The following MUSK variants were observed in gnomAD, a reference collection of about 807,000 sequenced individuals.
MUSK encodes the protein muscle associated receptor tyrosine kinase.
Under a neutral mutation model 88.7 loss-of-function variants are expected in MUSK, and 55 were observed. The ratio of observed to expected loss-of-function variants is 0.62; its 90% CI spans 0.50 to 0.78. The LOEUF (loss-of-function observed/expected upper bound fraction) is 0.78, where lower values mean the gene tolerates loss of function less well. Among genes scored for constraint, MUSK ranks in the 30% least tolerant of loss-of-function variants. MUSK has a pLI of 0.00. For missense variants in MUSK, 1,015 were observed against 1,074.3 expected, an observed-to-expected ratio of 0.94 and a Z score of 0.77; for synonymous variants, 387 against 391.9, an observed-to-expected ratio of 0.99 and a Z score of 0.15.
chr9:110,763,966 G>T (rs1454093202), intron 8 of MUSK, among the ~76,000 whole-genome samples: 1 of 152,136 alleles, frequency 6.6e-6, no homozygotes, highest in Non-Finnish European at 1.5e-5. Flanking sequence ...ACATAGGGTT[G>T]TCTGTTATAA....
chr9:110,761,318 A>G (rs1327972797), intron 7 of MUSK, among the ~76,000 whole-genome samples: 3 of 152,098 alleles, frequency 2.0e-5, no homozygotes, highest in Non-Finnish European at 2.9e-5. Flanking sequence ...AGGTGTTCCA[A>G]AAACGGTAAG....
intron 5 of MUSK, among the ~76,000 whole-genome samples, chr9:110,708,091 CCTATCTATCTATCTATCTAT>C (rs34403055): frequency 5.4e-5 from 8 of 148,570 alleles, no homozygotes; most frequent in South Asian, 4.4e-4. Flanking sequence ...ATAAATAATT[CCTATCTATCTATCTATCTAT>C]CTATCTATCT....
intron 12 of MUSK, 100 bp downstream of exon 12, chr9:110,785,116 C>G (rs980475939): frequency 2.0e-6 from 2 of 1,010,792 alleles, no homozygotes; most frequent in Non-Finnish European, 1.5e-6. Flanking sequence ...CACTGCAACT[C>G]TCTAAATATA....
At chr9:110,724,723 T>C (rs1440378805) in intron 5 of MUSK, among the ~76,000 whole-genome samples, 1 of 152,012 alleles carries the variant, frequency 6.6e-6, no homozygotes, top group Non-Finnish European at 1.5e-5. Flanking sequence ...TTTGTCTTTT[T>C]AGGTAGCAAA....
chr9:110,762,079 A>G (rs1013819), intron 7 of MUSK, 123 bp from the exon 8 acceptor site: 187 of 1,049,630 alleles, frequency 1.8e-4, no homozygotes, highest in Non-Finnish European at 2.2e-4. Flanking sequence ...AGAACTTTTC[A>G]GAAACTTAGA....
chr9:110,713,331 C>A (rs2076700299), intron 5 of MUSK, among the ~76,000 whole-genome samples: 1 of 149,146 alleles, frequency 6.7e-6, no homozygotes, highest in African/African-American at 2.5e-5. Context: ...GCAATCTCTG[C>A]TCACTGCAAC....
Position 110,784,883 on chromosome 9 carries a change from T to A in MUSK, c.1453T>A (p.Ser485Thr), listed in dbSNP as rs2077827075. ...IPNLPSSSSS[S>T]FSVSPTYSMT... ...AAATCTGCCTTCCTCCTCCTCTTCT[T>A]CCTTCTCTGTCTCACCTACATACTC... Residue 485 changes from serine (S) to threonine (T), a missense_variant, in exon 12 of 15, where the codon TCC becomes ACC. Physicochemically the swap from Ser to Thr is moderately conservative, Grantham distance 58. Transcript: ENST00000374448. The A allele has an allele frequency of 6.2e-7, 1 of 1,613,884 alleles. No homozygotes were observed. Among genetic ancestry groups the A allele is most frequent in the Non-Finnish European group, 8.5e-7 (1 of 1,179,832 alleles).
chr9:110,798,211 A>C (rs2078040733), intron 14 of MUSK, among the ~76,000 whole-genome samples: 1 of 152,230 alleles, frequency 6.6e-6, no homozygotes, highest in Non-Finnish European at 1.5e-5. Context: ...GGGAATTGGG[A>C]AAATCCATAA....
chr9:110,756,732 C>T (rs1467758867), intron 7 of MUSK, among the ~76,000 whole-genome samples: 1 of 152,066 alleles, frequency 6.6e-6, no homozygotes, highest in Admixed American at 6.5e-5. Context: ...TTCATCTTTA[C>T]TTGAAGGCTG....
intron 11 of MUSK, among the ~76,000 whole-genome samples, chr9:110,783,353 T>C (rs1398204450): frequency 6.6e-6 from 1 of 152,228 alleles, no homozygotes; most frequent in Non-Finnish European, 1.5e-5. Context: ...AAATTTTATC[T>C]CTTTCAAGAC....
chr9:110,747,741 C>T lies in MUSK; in HGVS notation c.854C>T (p.Thr285Ile). 1 of 1,613,834 alleles carries T rather than the reference C, an allele frequency of 6.2e-7. No individual in the cohort carries two copies. ...TKPGLYTCIA[T>I]NKHGEKFSTA... ...CCAGGACTCTACACATGCATAGCTA[C>T]CAATAAGCATGGGGAGAAGTTCAGT... Residue 285 changes from threonine to isoleucine, a missense_variant, in exon 7 of 15, where the codon ACC becomes ATC. Thr to Ile is a moderately conservative substitution (Grantham distance 89). Coordinates refer to ENST00000374448, the MANE Select transcript of MUSK (RefSeq NM_005592.4).
At chr9:110,694,895 T>C (rs59911197) in intron 3 of MUSK, among the ~76,000 whole-genome samples, 3,503 of 152,214 alleles carry the variant, frequency 0.023, 139 homozygotes, top group African/African-American at 0.08. Context: ...TAATAATATC[T>C]GGTTTACTTT....
chr9:110,734,348 C>A lies in MUSK; in HGVS notation c.726C>A (p.Thr242=), dbSNP rs754228233. Residue 242 remains threonine (T), a synonymous_variant, in exon 6 of 15, where the codon ACC becomes ACA. Transcript: ENST00000374448. ...HCTATGIPVP[T]ITWIENGNAV... ...CAGCAACAGGCATTCCTGTCCCCAC[C>A]ATCACCTGGATTGAAAACGGAAATG... 20 of 1,613,142 alleles carry A rather than the reference C, an allele frequency of 1.2e-5. No homozygotes were observed. The highest frequency in any genetic ancestry group is 9.9e-5 in the South Asian group (9 of 91,052).
intron 14 of MUSK, among the ~76,000 whole-genome samples, chr9:110,789,450 G>T (rs576734): frequency 0.7 from 106,053 of 152,116 alleles, 37,452 homozygotes; most frequent in African/African-American, 0.78. Context: ...GAAGGAACAG[G>T]TTCCTTTAGT....
intron 7 of MUSK, among the ~76,000 whole-genome samples, chr9:110,756,316 C>T (rs921126445): frequency 6.6e-6 from 1 of 151,812 alleles, no homozygotes; most frequent in Non-Finnish European, 1.5e-5. Flanking sequence ...CTCATAATCC[C>T]CAGTCCTTGA....
chr9:110,788,096 C>A, intron 14 of MUSK: 1 of 427,904 alleles, frequency 2.3e-6, no homozygotes, highest in African/African-American at 2.0e-5. Context: ...TTTAAAATGT[C>A]CCCATTGTAA....
At position 110,805,057 on chromosome 9, in the gene MUSK, G is replaced by C. The variant is rs1162299574; in HGVS notation, c.*4069G>C. ...TTTGATGGTTGAATAGTATTATACA[G>C]ATTTATCGTAATTGACATAACTATT... On this transcript the variant is annotated 3_prime_UTR_variant, in exon 15 of 15. Transcript: ENST00000374448. 6.6e-6 allele frequency among the ~76,000 whole-genome samples: 1 copy of C among 151,856 alleles called. No homozygotes were observed. The highest frequency in any genetic ancestry group is 1.5e-5 in the Non-Finnish European group (1 of 67,808).
Position 110,775,888 on chromosome 9 carries a change from C to T in MUSK, c.1285C>T (p.Leu429=). Residue 429 remains leucine, a synonymous_variant, in exon 10 of 15, where the codon CTG becomes TTG. Transcript: ENST00000374448. ...ACTCTACAGATCCGAGATGCATTTG[C>T]TGTCCGTGCCAGAATGCAGCAAGCT... is the stretch of plus-strand genomic sequence containing the variant. The part of the protein sequence containing the change: ...RGLYRSEMHL[L]SVPECSKLPS... 6.2e-7 allele frequency: 1 copy of T among 1,613,970 alleles called. No homozygotes were observed. The highest frequency in any genetic ancestry group is 8.5e-7 in the Non-Finnish European group (1 of 1,179,858).
intron 14 of MUSK, among the ~76,000 whole-genome samples, chr9:110,798,634 G>A (rs970495447): frequency 1.3e-5 from 2 of 152,104 alleles, no homozygotes; most frequent in Non-Finnish European, 2.9e-5. Context: ...AACATATATT[G>A]AAAACCCATA....
Sources: gnomAD v4.1 joint callset for allele counts (sites outside exome capture counted in the v4.1 genomes callset) on GRCh38, gnomAD v4.1.1 for gene constraint, MANE v1.5 for transcripts, NCBI Gene and HGNC (gene_info 2026-07-23, HGNC 2026-07-21) for gene names.